The following LRP8 variants were observed in gnomAD, a reference collection of about 807,000 sequenced individuals.
LRP8 encodes the protein low-density lipoprotein receptor-related protein 8.
A neutral mutation model predicts 111.6 loss-of-function variants in LRP8; 46 were observed. The observed-to-expected ratio is 0.41, with a 90% CI of 0.33 to 0.53. LRP8 has a LOEUF of 0.53. LRP8 is among the 20% of genes least tolerant of loss of function. LRP8 has a pLI of 0.20. For synonymous variants in LRP8, 464 were observed against 511.2 expected, an observed-to-expected ratio of 0.91 and a Z score of 1.24; for missense variants, 959 against 1,297.4, an observed-to-expected ratio of 0.74 and a Z score of 4.01.
At chr1:53,289,929 A>G (rs947619523) in intron 2 of LRP8, among the ~76,000 whole-genome samples, 1 of 152,212 alleles carries the variant, frequency 6.6e-6, no homozygotes, top group Admixed American at 6.5e-5. Context: ...AAGATTTATC[A>G]TACCCCACCA....
chr1:53,316,827 C>T (rs930619627), intron 2 of LRP8, among the ~76,000 whole-genome samples: 59 of 152,312 alleles, frequency 3.9e-4, no homozygotes, highest in African/African-American at 1.4e-3. Flanking sequence ...CCAGAGCACA[C>T]ATGGCCTGGG....
At chr1:53,296,554 C>G (rs4926968) in intron 2 of LRP8, among the ~76,000 whole-genome samples, 1 of 152,160 alleles carries the variant, frequency 6.6e-6, no homozygotes, top group Non-Finnish European at 1.5e-5. Flanking sequence ...CCAAGACGAC[C>G]GCTTCCAGCA....
rs762849935 is a variant in LRP8, at chr1:53,264,339, C to T, written c.1485G>A (p.Gln495=). The change falls in exon 10 of 19, where the codon CAG becomes CAA. Residue 495 remains glutamine (Q), a synonymous_variant. Transcript: ENST00000306052. ...CTGCCAGGCCCTCTGGAGAGTGCAA[C>T]TGCTCGTCAATGAGGACCTCCTGCT... is the stretch of plus-strand genomic sequence containing the variant. The part of the protein sequence containing the change: ...PKEQEVLIDE[Q]LHSPEGLAVD... 4.5e-5 allele frequency: 73 copies of T among 1,614,022 alleles called. No homozygotes were observed. The highest frequency in any genetic ancestry group is 5.5e-5 in the Non-Finnish European group (65 of 1,180,020).
In LRP8 at chr1:53,245,992, T is replaced by C. The variant is rs1371533831; in HGVS notation, c.*1026A>G. 4 of 152,506 alleles carry C rather than the reference T, an allele frequency of 2.6e-5. No individual in the cohort carries two copies. Among genetic ancestry groups the C allele is most frequent in the Admixed American group, 6.5e-5 (1 of 15,280 alleles). 9.4% of individuals were successfully genotyped at this position (152,506 alleles called of 1,614,324 possible). On this transcript the variant is annotated 3_prime_UTR_variant, in exon 19 of 19. Transcript: ENST00000306052. Reference sequence around the variant, plus strand: ...TTCAACCCAAGTGTCCTGAAAGAAATTGAAGAAGTTACTCAAAGAGCTGAA... The same window carrying C: ...TTCAACCCAAGTGTCCTGAAAGAAACTGAAGAAGTTACTCAAAGAGCTGAA...
At position 53,325,966 on chromosome 1, in the gene LRP8, G is replaced by A. The variant is rs188981666; in HGVS notation, c.244+907C>T. On this transcript the variant is annotated intron_variant, in intron 2 of 18. Coordinates refer to ENST00000306052, the MANE Select transcript of LRP8 (RefSeq NM_004631.5). ...TGCCTGCTAACTAGCTCCCGGTCCC[G>A]CAGACACTCTGAAACCCTGTGCACT... Among the ~76,000 whole-genome samples, 213 of 152,220 alleles carry A rather than the reference G, an allele frequency of 1.4e-3. 5 individuals carry two copies. The South Asian group carries it at 0.035, about 25-fold the overall frequency.
In LRP8 at chr1:53,293,309, A is replaced by C. The variant is rs925435284; in HGVS notation, c.245-3620T>G. Among the ~76,000 whole-genome samples, 4 of 152,202 alleles carry C rather than the reference A, an allele frequency of 2.6e-5. No homozygotes were observed. Among genetic ancestry groups the C allele is most frequent in the African/African-American group, 9.6e-5 (4 of 41,454 alleles). On this transcript the variant is annotated intron_variant, in intron 2 of 18. Coordinates refer to ENST00000306052, the MANE Select transcript of LRP8 (RefSeq NM_004631.5). The surrounding 1 kb of genome is among the most constrained non-coding windows in gnomAD (Gnocchi z 4.9). ...GCCCCGCCCAGGAAATGGCAGCTGCAGGGAGAGTGGTGTTTTTGGCAACAG... is the reference window on the plus strand; with the variant it reads ...GCCCCGCCCAGGAAATGGCAGCTGCCGGGAGAGTGGTGTTTTTGGCAACAG...
chr1:53,288,517 G>A (rs1434797984), intron 3 of LRP8: 1 of 151,790 alleles, frequency 6.6e-6, no homozygotes, highest in East Asian at 1.9e-4. Flanking sequence ...TCTCGGGTGG[G>A]GGCCGCTCTT....
At chr1:53,327,672 C>A (rs1275176226) in intron 1 of LRP8, 117 bp downstream of exon 1, 10 of 1,289,740 alleles carry the variant, frequency 7.8e-6, no homozygotes, top group Non-Finnish European at 9.9e-6. Context: ...GGAGCCTGTC[C>A]GCCCGGGAGC....
chr1:53,280,783 A>G, intron 3 of LRP8, 68 bp from the exon 4 acceptor site: 3 of 1,584,002 alleles, frequency 1.9e-6, no homozygotes, highest in East Asian at 4.5e-5. Context: ...AACCAGTCCT[A>G]CCACCCTGTT....
chr1:53,268,620 A>G (rs1223369980), intron 8 of LRP8: 1 of 152,178 alleles, frequency 6.6e-6, no homozygotes, highest in Admixed American at 6.5e-5. Context: ...CCAGACTCAT[A>G]TATCCAGCTG....
chr1:53,301,298 G>A (rs1182038031), intron 2 of LRP8, among the ~76,000 whole-genome samples: 1 of 152,190 alleles, frequency 6.6e-6, no homozygotes, highest in Non-Finnish European at 1.5e-5. Context: ...TCCTTAGCGG[G>A]TATGGAGTTG....
chr1:53,311,274 C>T (rs1036167045), intron 2 of LRP8, among the ~76,000 whole-genome samples: 10 of 152,108 alleles, frequency 6.6e-5, no homozygotes, highest in Non-Finnish European at 1.0e-4. Flanking sequence ...GTGTGAGGAG[C>T]GGGGAGGGGT....
rs115762687 is a variant in LRP8 at position 53,292,436 on chromosome 1, C to T, written c.245-2747G>A. Among the ~76,000 whole-genome samples, 507 of 152,174 alleles carry T rather than the reference C, an allele frequency of 3.3e-3. 4 individuals are homozygous for T. The highest frequency in any genetic ancestry group is 0.012 in the African/African-American group (491 of 41,498). On this transcript the variant is annotated intron_variant, in intron 2 of 18. Transcript: ENST00000306052. The stretch of plus-strand genomic sequence containing the variant: ...TCTCAGCCCAGGGCTCTGGAGAGGC[C>T]CTCCCTGTTTCCTGCACTGAGAGGT...
intron 16 of LRP8, among the ~76,000 whole-genome samples, chr1:53,254,355 G>A (rs1646000356): frequency 6.6e-6 from 1 of 151,678 alleles, no homozygotes; most frequent in African/African-American, 2.4e-5. Flanking sequence ...CTTTACTCAT[G>A]CTGTCTTCAC....
chr1:53,325,832 G>C (rs1655056366), intron 2 of LRP8, among the ~76,000 whole-genome samples: 1 of 152,240 alleles, frequency 6.6e-6, no homozygotes, highest in African/African-American at 2.4e-5. Context: ...CCAGCGCCTG[G>C]CACGCAGCAG....
chr1:53,264,064 G>T, intron 10 of LRP8, 105 bp downstream of exon 10: 1 of 1,102,938 alleles, frequency 9.1e-7, no homozygotes, highest in Non-Finnish European at 1.3e-6. Flanking sequence ...GCCTGTGTCT[G>T]AGTGGCCCAG....
chr1:53,247,046 A>G lies in LRP8; in HGVS notation c.2864T>C (p.Leu955Ser), dbSNP rs1645747637. The G allele has an allele frequency of 1.2e-6, 2 of 1,601,898 alleles. No individual in the cohort carries two copies. The highest frequency in any genetic ancestry group is 2.2e-5 in the East Asian group (1 of 44,628). ...LPVVKSKRVALSLEDDGLP is the reference protein window; with the variant it reads ...LPVVKSKRVASSLEDDGLP Reference sequence around the variant, plus strand: ...GGGTAGTCCATCATCTTCAAGGCTTAATGCCACTCGCTGGGGAGACAAACC... The same window carrying G: ...GGGTAGTCCATCATCTTCAAGGCTTGATGCCACTCGCTGGGGAGACAAACC... The change falls in exon 19 of 19, where the codon TTA becomes TCA. Residue 955 changes from leucine to serine, a missense_variant. Around this residue, in one of 3 missense-constraint regions of LRP8, gnomAD observed 819 missense variants for 1,097.6 expected, o/e 0.75. Coordinates refer to ENST00000306052, the MANE Select transcript of LRP8 (RefSeq NM_004631.5).
At chr1:53,313,754 G>C (rs1231177612) in intron 2 of LRP8, among the ~76,000 whole-genome samples, 4 of 152,176 alleles carry the variant, frequency 2.6e-5, no homozygotes, top group Admixed American at 6.5e-5. Context: ...CTGGAGAGGA[G>C]ACAGGTACAT....
intron 1 of LRP8, 60 bp from the exon 2 acceptor site, chr1:53,327,052 A>C (rs1296707253): frequency 5.0e-6 from 8 of 1,587,158 alleles, no homozygotes; most frequent in African/African-American, 4.1e-5. Flanking sequence ...CCCACCATGC[A>C]GTCCGGGCCA....
Sources: gnomAD v4.1 joint callset for allele counts (sites outside exome capture counted in the v4.1 genomes callset) on GRCh38, gnomAD v4.1.1 for gene constraint, gnomAD v4.1.1 regional missense constraint, Gnocchi (gnomAD v3.1) non-coding constraint, MANE v1.5 for transcripts, NCBI Gene and HGNC (gene_info 2026-07-23, HGNC 2026-07-21) for gene names.